Variants in UNC80 observed in about 807,000 individuals in gnomAD.
The protein encoded by UNC80 is unc-80 subunit of NALCN channel complex.
UNC80 carries 164 observed loss-of-function variants against 384.6 expected under a neutral mutation model. That is an observed-to-expected ratio of 0.43 (90% CI 0.38 to 0.49). UNC80 has a LOEUF of 0.49. Among genes scored for constraint, UNC80 ranks in the 20% least tolerant of loss-of-function variants. UNC80 has a pLI of 0.00. For synonymous variants in UNC80, 1,486 were observed against 1,527.8 expected, an observed-to-expected ratio of 0.97 and a Z score of 0.64; for missense variants, 3,330 against 4,143.0, an observed-to-expected ratio of 0.80 and a Z score of 5.39.
intron 7 of UNC80, among the ~76,000 whole-genome samples, chr2:209,800,979 A>T (rs2153826280): frequency 6.6e-6 from 1 of 152,268 alleles, no homozygotes; most frequent in Non-Finnish European, 1.5e-5. Context: ...CCAATTATGT[A>T]GTCGATTTTA....
At chr2:209,947,329 TACAG>T in intron 47 of UNC80, among the ~76,000 whole-genome samples, 1 of 152,326 alleles carries the variant, frequency 6.6e-6, no homozygotes, top group South Asian at 2.1e-4. Flanking sequence ...ATAAAATGCA[TACAG>T]ATTCTCCAAT....
intron 39 of UNC80, among the ~76,000 whole-genome samples, chr2:209,935,450 C>T (rs905762304): frequency 6.6e-6 from 1 of 152,088 alleles, no homozygotes; most frequent in East Asian, 1.9e-4. Context: ...GGCGAAACCT[C>T]GTCTCTACTA....
intron 18 of UNC80, among the ~76,000 whole-genome samples, chr2:209,836,420 A>C (rs988077800): frequency 6.6e-6 from 1 of 152,216 alleles, no homozygotes; most frequent in Admixed American, 6.5e-5. Flanking sequence ...GAATAGCCAA[A>C]TTGGACTTAA....
At chr2:209,865,042 C>T (rs1471400546) in intron 22 of UNC80, among the ~76,000 whole-genome samples, 1 of 152,160 alleles carries the variant, frequency 6.6e-6, no homozygotes, top group African/African-American at 2.4e-5. Context: ...GCTTCTCTGC[C>T]TTTGTAGCAT....
chr2:209,931,733 T>C (rs906452700), intron 38 of UNC80, among the ~76,000 whole-genome samples: 2 of 152,202 alleles, frequency 1.3e-5, no homozygotes, highest in African/African-American at 2.4e-5. Flanking sequence ...ACAACCCCCA[T>C]GTGCAGAGAA....
chr2:209,939,221 T>C (rs2091459105), intron 42 of UNC80, among the ~76,000 whole-genome samples: 1 of 152,092 alleles, frequency 6.6e-6, no homozygotes, highest in Non-Finnish European at 1.5e-5. Flanking sequence ...TATGCTCCTC[T>C]CCAGCCTAAA....
Position 209,842,358 on chromosome 2 carries a change from C to T in UNC80, c.3366C>T (p.Phe1122=), listed in dbSNP as rs1382929430. ...SFIRQSSKVK[F]TSAVKLSEGG... ...TTTTTTTCTTTTTTCAGGTCAAATTCACTAGTGCTGTGAAGCTTTCTGAAG... is the reference window on the plus strand; with the variant it reads ...TTTTTTTCTTTTTTCAGGTCAAATTTACTAGTGCTGTGAAGCTTTCTGAAG... The change falls in exon 21 of 65, where the codon TTC becomes TTT. Residue 1122 remains phenylalanine (F), a synonymous_variant. Coordinates refer to ENST00000673920, the MANE Select transcript of UNC80 (RefSeq NM_001371986.1). The T allele has an allele frequency of 1.3e-6, 2 of 1,548,352 alleles. No homozygotes were observed. Among genetic ancestry groups the T allele is most frequent in the Non-Finnish European group, 1.7e-6 (2 of 1,145,450 alleles).
At chr2:209,836,089 A>C (rs2081319261) in intron 18 of UNC80, among the ~76,000 whole-genome samples, 1 of 28,584 alleles carries the variant, frequency 3.5e-5, no homozygotes, top group African/African-American at 1.0e-4. Flanking sequence ...TCTATATTTC[A>C]TGAATGAATG....
chr2:209,845,724 C>A (rs2082120929), intron 21 of UNC80, among the ~76,000 whole-genome samples: 1 of 152,092 alleles, frequency 6.6e-6, no homozygotes, highest in Non-Finnish European at 1.5e-5. Context: ...TATCACTATT[C>A]TTTGCCTATG....
At chr2:209,989,962 G>T (rs2093362433) in intron 61 of UNC80, among the ~76,000 whole-genome samples, 1 of 152,126 alleles carries the variant, frequency 6.6e-6, no homozygotes, top group African/African-American at 2.4e-5. Context: ...TATAAGCTGG[G>T]ATATTTCCAA....
intron 22 of UNC80, among the ~76,000 whole-genome samples, chr2:209,857,920 TC>T (rs1175512613): frequency 6.6e-6 from 1 of 152,212 alleles, no homozygotes; most frequent in Non-Finnish European, 1.5e-5. Flanking sequence ...AATTTAGACT[TC>T]CTTTATGACC....
chr2:209,967,376 T>A (rs996121572), intron 51 of UNC80, 61 bp from the exon 52 acceptor site: 40 of 1,291,150 alleles, frequency 3.1e-5, no homozygotes, highest in Non-Finnish European at 3.6e-5. Flanking sequence ...TGTAAAAAAA[T>A]TCCTGTTGTG....
intron 25 of UNC80, among the ~76,000 whole-genome samples, chr2:209,885,875 C>A (rs1319981863): frequency 6.6e-6 from 1 of 151,726 alleles, no homozygotes; most frequent in East Asian, 1.9e-4. Flanking sequence ...CCTGATTCTC[C>A]TGCCTCAACC....
At position 209,896,319 on chromosome 2, in the gene UNC80, G is replaced by A. The variant is rs548132038; in HGVS notation, c.4487G>A (p.Ser1496Asn). The stretch of plus-strand genomic sequence containing the variant: ...TGGTATTTTTCTTTTGAAGAAGGGA[G>A]TCCTTGGAGTGCAAGCGAGCCCAGC... ...SRDTVTDLEG[S>N]PWSASEPSIE... Residue 1496 changes from serine to asparagine, a missense_variant, in exon 28 of 65, where the codon AGT becomes AAT. Physicochemically the swap from Ser to Asn is conservative, Grantham distance 46. Around this residue, in one of 8 missense-constraint regions of UNC80, gnomAD observed 801 missense variants for 950.8 expected, o/e 0.84. Coordinates refer to ENST00000673920, the MANE Select transcript of UNC80 (RefSeq NM_001371986.1). The A allele has an allele frequency of 3.9e-6, 6 of 1,551,708 alleles. No homozygotes were observed. The East Asian group carries it at 1.5e-4, about 38-fold the overall frequency.
chr2:209,915,713 T>G (rs1030879955), intron 31 of UNC80, among the ~76,000 whole-genome samples: 2 of 152,236 alleles, frequency 1.3e-5, no homozygotes, highest in African/African-American at 2.4e-5. Flanking sequence ...TACTTTGGTT[T>G]TAAAAATAGT....
chr2:209,877,980 G>A lies in UNC80; in HGVS notation c.3867G>A (p.Leu1289=), dbSNP rs1431196792. 6.5e-7 allele frequency: 1 copy of A among 1,541,556 alleles called. No homozygotes were observed. Among genetic ancestry groups the A allele is most frequent in the Non-Finnish European group, 8.8e-7 (1 of 1,142,356 alleles). ...CAATTGGCGTCCGATTGAATGAGCT[G>A]TGCCACGGGGAAAGTGAGAGCCCAG... ...GDAIGVRLNE[L]CHGESESPAN... is the part of the protein sequence containing the mutation. Residue 1289 remains leucine, a synonymous_variant, in exon 24 of 65, where the codon CTG becomes CTA. Coordinates refer to ENST00000673920, the MANE Select transcript of UNC80 (RefSeq NM_001371986.1).
chr2:209,941,448 T>C lies in UNC80; in HGVS notation c.6874T>C (p.Ser2292Pro). 2 of 1,544,038 alleles carry C rather than the reference T, an allele frequency of 1.3e-6. No individual in the cohort carries two copies. Among genetic ancestry groups the C allele is most frequent in the Non-Finnish European group, 1.8e-6 (2 of 1,140,626 alleles). ...CGCGGTGCACTTCAACCACCTCTTCTCTCTCAGCGGCTACCAGTGGATTCT... is the reference window on the plus strand; with the variant it reads ...CGCGGTGCACTTCAACCACCTCTTCCCTCTCAGCGGCTACCAGTGGATTCT... ...NTAVHFNHLFSLSGYQWILPT... is the reference protein window; with the variant it reads ...NTAVHFNHLFPLSGYQWILPT... The change falls in exon 44 of 65, where the codon TCT (serine) becomes CCT (proline). Residue 2292 changes from serine to proline, a missense_variant. Ser to Pro is a moderately conservative substitution (Grantham distance 74). Around this residue, in one of 8 missense-constraint regions of UNC80, gnomAD observed 1,049 missense variants for 1,488.6 expected, o/e 0.70. Transcript: ENST00000673920.
At chr2:209,859,778 A>G (rs1415226001) in intron 22 of UNC80, among the ~76,000 whole-genome samples, 1 of 152,178 alleles carries the variant, frequency 6.6e-6, no homozygotes, top group Non-Finnish European at 1.5e-5. Flanking sequence ...TTCTCTGATG[A>G]TCAGTGATGT....
intron 7 of UNC80, chr2:209,808,990 A>G (rs2286851): frequency 0.54 from 168,522 of 311,452 alleles, 48,194 homozygotes; most frequent in Admixed American, 0.61. Flanking sequence ...AGCACAACCA[A>G]CTGCCAGGGC....
Sources: gnomAD v4.1 joint callset for allele counts (sites outside exome capture counted in the v4.1 genomes callset) on GRCh38, gnomAD v4.1.1 for gene constraint, gnomAD v4.1.1 regional missense constraint, MANE v1.5 for transcripts, NCBI Gene and HGNC (gene_info 2026-07-23, HGNC 2026-07-21) for gene names.